Variants in CPVL observed in about 807,000 individuals in gnomAD.
The protein encoded by CPVL is probable serine carboxypeptidase CPVL.
CPVL carries 51 observed loss-of-function variants against 63.7 expected under a neutral mutation model. That is an observed-to-expected ratio of 0.80 (90% CI 0.64 to 1.01). The LOEUF (loss-of-function observed/expected upper bound fraction) is 1.01. Ranked by LOEUF, CPVL falls within the 50% of genes least tolerant of loss-of-function variation. CPVL has a pLI of 0.00. For missense variants in CPVL, 530 were observed against 573.1 expected (o/e 0.92, Z 0.77); for synonymous variants, 195 against 206.0 (o/e 0.95, Z 0.46).
At chr7:29,046,086 T>C (rs1789579048) in intron 11 of CPVL, among the ~76,000 whole-genome samples, 1 of 117,302 alleles carries the variant, frequency 8.5e-6, no homozygotes, top group Admixed American at 8.0e-5. Context: ...TAGATGAACC[T>C]TTTTTTTTTT....
At chr7:28,997,113 C>T (rs377688025) in intron 12 of CPVL, among the ~76,000 whole-genome samples, 19 of 152,248 alleles carry the variant, frequency 1.2e-4, no homozygotes, top group African/African-American at 3.4e-4. Context: ...TAGAGGGAAA[C>T]GGGAAGCTGT....
At chr7:29,062,430 G>A (rs138680523) in intron 11 of CPVL, among the ~76,000 whole-genome samples, 32 of 152,280 alleles carry the variant, frequency 2.1e-4, no homozygotes, top group Non-Finnish European at 3.8e-4. Context: ...TGAAATGCTG[G>A]CCTGACCTAG....
intron 11 of CPVL, among the ~76,000 whole-genome samples, chr7:29,046,312 C>G (rs534816821): frequency 6.6e-6 from 1 of 152,214 alleles, no homozygotes; most frequent in Non-Finnish European, 1.5e-5. Flanking sequence ...TCTCAAACTC[C>G]TGACCTTGTG....
chr7:29,071,201 G>C (rs61149915), intron 9 of CPVL, among the ~76,000 whole-genome samples: 22,083 of 152,176 alleles, frequency 0.15, 2,175 homozygotes, highest in East Asian at 0.43. Flanking sequence ...AGTGAAGAAC[G>C]TAATTATTGA....
intron 6 of CPVL, among the ~76,000 whole-genome samples, chr7:29,089,156 C>T (rs373487223): frequency 6.6e-6 from 1 of 152,034 alleles, no homozygotes; most frequent in Non-Finnish European, 1.5e-5. Context: ...GCTCTCTGCT[C>T]GCAGAAAGGT....
At chr7:29,080,807 G>A (rs1010173985) in intron 7 of CPVL, among the ~76,000 whole-genome samples, 1 of 152,174 alleles carries the variant, frequency 6.6e-6, no homozygotes, top group East Asian at 1.9e-4. Context: ...CCATGCAGAT[G>A]AAGATAAAGT....
At chr7:29,125,471 C>T (rs1789911505) in intron 1 of CPVL, among the ~76,000 whole-genome samples, 1 of 142,238 alleles carries the variant, frequency 7.0e-6, no homozygotes, top group African/African-American at 2.6e-5. Flanking sequence ...CAGCTCACTA[C>T]AACCTCCGCC....
rs141763449 is a variant in CPVL, at chr7:29,017,400, G to A, written c.1320+13177C>T. Among the ~76,000 whole-genome samples, 31 of 152,334 alleles carry A rather than the reference G, an allele frequency of 2.0e-4. 1 individual carries two copies. The highest frequency in any genetic ancestry group is 4.3e-4 in the African/African-American group (18 of 41,582). ...TGTAATCCCAGCACTTTGGGAGGCC[G>A]AGGCAGGCGGATCACTTGAGGTCAG... On this transcript the variant is annotated intron_variant, in intron 12 of 12. Transcript: ENST00000265394.
chr7:29,004,713 C>T (rs527347414), intron 12 of CPVL, among the ~76,000 whole-genome samples: 2 of 152,190 alleles, frequency 1.3e-5, no homozygotes, highest in East Asian at 1.9e-4. Flanking sequence ...GACCACTTGT[C>T]GCACTGTGCC....
chr7:28,996,683 G>T (rs1264882059), intron 12 of CPVL, among the ~76,000 whole-genome samples: 2 of 151,784 alleles, frequency 1.3e-5, no homozygotes, highest in Non-Finnish European at 2.9e-5. Flanking sequence ...TAGCAAATTC[G>T]AAAACAATTC....
intron 1 of CPVL, among the ~76,000 whole-genome samples, chr7:29,138,186 C>G (rs1039070840): frequency 6.6e-6 from 1 of 152,122 alleles, no homozygotes; most frequent in East Asian, 1.9e-4. Flanking sequence ...GCCTGTAATC[C>G]CAGCACTTTG....
At chr7:29,123,800 T>C (rs1258228669) in intron 1 of CPVL, among the ~76,000 whole-genome samples, 1 of 150,600 alleles carries the variant, frequency 6.6e-6, no homozygotes, top group Admixed American at 6.6e-5. Context: ...CTCCCTTTAA[T>C]GGAAGCCATT....
At chr7:29,163,492 A>G (rs1413607505) in intron 5 of CPVL, among the ~76,000 whole-genome samples, 1 of 152,178 alleles carries the variant, frequency 6.6e-6, no homozygotes, top group Non-Finnish European at 1.5e-5. Flanking sequence ...AAATTGACAC[A>G]TATGTTAATG....
At chr7:29,112,097 G>T (rs961659238) in intron 3 of CPVL, among the ~76,000 whole-genome samples, 1 of 152,150 alleles carries the variant, frequency 6.6e-6, no homozygotes, top group Non-Finnish European at 1.5e-5. Context: ...TAGAGATTTG[G>T]GAAAGTGATG....
intron 2 of CPVL, among the ~76,000 whole-genome samples, chr7:29,118,443 G>C (rs1337192278): frequency 6.6e-6 from 1 of 152,202 alleles, no homozygotes; most frequent in Non-Finnish European, 1.5e-5. Flanking sequence ...GCATCTTAAT[G>C]GTATCAGCCC....
chr7:29,169,276 G>A (rs1231918175), intron 5 of CPVL, among the ~76,000 whole-genome samples: 3 of 152,110 alleles, frequency 2.0e-5, no homozygotes, highest in African/African-American at 7.2e-5. Context: ...ATTCTGGGAA[G>A]AACATTCTAT....
chr7:29,054,749 C>T (rs1790537052), intron 11 of CPVL, among the ~76,000 whole-genome samples: 1 of 152,116 alleles, frequency 6.6e-6, no homozygotes, highest in Non-Finnish European at 1.5e-5. Context: ...TCTGCTTAGA[C>T]ATATAGTATT....
At chr7:29,050,380 G>C (rs182486802) in intron 11 of CPVL, among the ~76,000 whole-genome samples, 194 of 147,684 alleles carry the variant, frequency 1.3e-3, no homozygotes, top group Middle Eastern at 3.4e-3. Context: ...ATCAAATCAA[G>C]AACTCAACCC....
intron 3 of CPVL, among the ~76,000 whole-genome samples, chr7:29,103,001 C>A (rs1324032571): frequency 2.0e-5 from 3 of 152,016 alleles, no homozygotes; most frequent in Non-Finnish European, 4.4e-5. Context: ...CCCTATTGTT[C>A]CCCAGATTGA....
Sources: gnomAD v4.1 joint callset for allele counts (sites outside exome capture counted in the v4.1 genomes callset) on GRCh38, gnomAD v4.1.1 for gene constraint, MANE v1.5 for transcripts, NCBI Gene and HGNC (gene_info 2026-07-23, HGNC 2026-07-21) for gene names.